EIF3B: variants seen among roughly 807,000 people sequenced by gnomAD.
EIF3B encodes eukaryotic translation initiation factor 3 subunit 9.
In EIF3B, 10 loss-of-function variants were observed where a neutral mutation model predicts 104.6. That is an observed-to-expected ratio of 0.10 (90% confidence interval 0.06 to 0.16). The LOEUF (loss-of-function observed/expected upper bound fraction) is 0.16, where lower values mean the gene tolerates loss of function less well. Ranked by LOEUF, EIF3B falls within the 10% of genes least tolerant of loss-of-function variation. The probability of loss-of-function intolerance (pLI) is 1.00; values close to 1 mark genes in which losing one functional copy is unlikely to be tolerated. For synonymous variants in EIF3B, 542 were observed against 417.2 expected (o/e 1.30, Z -3.65); for missense variants, 1,014 against 1,087.9 (o/e 0.93, Z 0.96).
intron 1 of EIF3B, among the ~76,000 whole-genome samples, chr7:2,358,561 CTG>C: frequency 6.6e-6 from 1 of 152,252 alleles, no homozygotes; most frequent in South Asian, 2.1e-4. Flanking sequence ...GAGTCTCACT[CTG>C]TCTCCCAGGC....
chr7:2,377,008 A>G lies in EIF3B; in HGVS notation c.2087A>G (p.Lys696Arg). ...GGACGCCTCCTGCAGAAGAACAACA[A>G]GGACCGCTTCTGCCAGCTGCTGTGG... Reference protein sequence around the residue: ...FQGRLLQKNNKDRFCQLLWRP... With the variant: ...FQGRLLQKNNRDRFCQLLWRP... Residue 696 changes from lysine to arginine, a missense_variant, in exon 15 of 19, where the codon AAG becomes AGG. Physicochemically the swap from Lys to Arg is conservative, Grantham distance 26 (BLOSUM62 2). Transcript: ENST00000360876. 1 of 1,613,930 alleles carries G rather than the reference A, an allele frequency of 6.2e-7. No individual in the cohort carries two copies. Among genetic ancestry groups the G allele is most frequent in the Non-Finnish European group, 8.5e-7 (1 of 1,180,026 alleles).
rs141469161 is a variant in EIF3B, at chr7:2,370,661, C to T, written c.1614+979C>T. Reference sequence around the variant, plus strand: ...GCAGCCACCACCACTCATTTCAGAACGTTTTCATCGGCTGGGTGCGGTGGC... The same window carrying T: ...GCAGCCACCACCACTCATTTCAGAATGTTTTCATCGGCTGGGTGCGGTGGC... On this transcript the variant is annotated intron_variant, in intron 10 of 18. Coordinates refer to ENST00000360876, the MANE Select transcript of EIF3B (RefSeq NM_001037283.2). Among the ~76,000 whole-genome samples, 1,305 of 152,180 alleles carry T rather than the reference C, an allele frequency of 8.6e-3. 4 individuals carry two copies. Among genetic ancestry groups the T allele is most frequent in the Non-Finnish European group, 0.012 (819 of 68,010 alleles).
chr7:2,366,199 G>T, intron 6 of EIF3B, 118 bp from the exon 7 acceptor site: 1 of 1,118,416 alleles, frequency 8.9e-7, no homozygotes, highest in Non-Finnish European at 1.3e-6. Context: ...GCCGGGCAGT[G>T]TGGGGTTTGG....
intron 2 of EIF3B, among the ~76,000 whole-genome samples, chr7:2,361,757 T>C (rs1779741963): frequency 6.6e-6 from 1 of 151,738 alleles, no homozygotes; most frequent in Non-Finnish European, 1.5e-5. Context: ...TAATACACAA[T>C]ATTAGACTAC....
intron 10 of EIF3B, among the ~76,000 whole-genome samples, chr7:2,371,470 G>T (rs1043466993): frequency 6.6e-6 from 1 of 152,228 alleles, no homozygotes; most frequent in African/African-American, 2.4e-5. Flanking sequence ...CTGGCCTGCA[G>T]CCTGCAGTGT....
At chr7:2,378,073 T>A (rs796925592) in intron 15 of EIF3B, 33 of 19,524 alleles carry the variant, frequency 1.7e-3, no homozygotes, top group East Asian at 8.3e-3. Context: ...GCTCCTGGGA[T>A]GCTGTGTTCT....
intron 9 of EIF3B, among the ~76,000 whole-genome samples, chr7:2,367,832 T>A (rs1780115932): frequency 2.3e-5 from 1 of 42,580 alleles, no homozygotes; most frequent in East Asian, 6.4e-4. Context: ...AAAATTTTTT[T>A]TTTTTTTTTT....
At chr7:2,378,980 C>T (rs1470113524) in intron 16 of EIF3B, 154 bp from the exon 17 acceptor site, 7 of 765,240 alleles carry the variant, frequency 9.1e-6, no homozygotes, top group Middle Eastern at 3.7e-4. Context: ...TGGGGGGCAG[C>T]GTTGGGGGAA....
chr7:2,378,788 A>G, intron 16 of EIF3B, 22 bp downstream of exon 16: 1 of 1,605,722 alleles, frequency 6.2e-7, no homozygotes, highest in South Asian at 1.1e-5. Context: ...TCCCAAAATG[A>G]GGGCTGTGCT....
At position 2,354,968 on chromosome 7, in the gene EIF3B, GCGCCGAGCCCGGCCAGCAGCAGCCGGC is replaced by G; in HGVS notation, c.57_83del (p.Gly20_Pro28del). 1.3e-5 allele frequency: 15 copies of G among 1,196,004 alleles called. No homozygotes were observed. Among genetic ancestry groups the G allele is most frequent in the Middle Eastern group, 6.9e-4 (2 of 2,906 alleles). 74.1% of individuals were successfully genotyped at this position (1,196,004 alleles called of 1,614,324 possible). Reference sequence around the variant, plus strand: ...GCGGTGCCCGAGGCGGCCGAGGAGCGCGCCGAGCCCGGCCAGCAGCAGCCGGCCGCCGAGCCGCCGCCAGCCGAGGGG... The same window carrying G: ...GCGGTGCCCGAGGCGGCCGAGGAGCGCGCCGAGCCGCCGCCAGCCGAGGGG... On this transcript the variant is annotated inframe_deletion, in exon 1 of 19. Coordinates refer to ENST00000360876, the MANE Select transcript of EIF3B (RefSeq NM_001037283.2).
chr7:2,363,532 A>G (rs928613802), intron 4 of EIF3B, 100 bp from the exon 5 acceptor site: 3 of 1,083,934 alleles, frequency 2.8e-6, no homozygotes, highest in African/African-American at 3.2e-5. Context: ...TTGGGAGTTA[A>G]GATGTGGACT....
chr7:2,374,685 C>A, intron 13 of EIF3B, 79 bp downstream of exon 13: 1 of 1,333,110 alleles, frequency 7.5e-7, no homozygotes, highest in Non-Finnish European at 1.1e-6. Flanking sequence ...CGCCTGCACC[C>A]GGCTTCTTGG....
At chr7:2,361,003 G>A in intron 2 of EIF3B, 101 bp downstream of exon 2, 1 of 948,844 alleles carries the variant, frequency 1.1e-6, no homozygotes, top group East Asian at 2.7e-5. Flanking sequence ...GCCTTGCCCA[G>A]GCACGTGGGC....
intron 2 of EIF3B, among the ~76,000 whole-genome samples, chr7:2,361,976 T>C (rs1194464231): frequency 6.6e-6 from 1 of 151,850 alleles, no homozygotes; most frequent in South Asian, 2.1e-4. Context: ...TATTTATTTA[T>C]TGAGACAGAG....
At chr7:2,354,573 G>A (rs945312445), upstream of EIF3B, among the ~76,000 whole-genome samples, 3 of 152,142 alleles carry the variant, frequency 2.0e-5, no homozygotes, top group Non-Finnish European at 4.4e-5. Context: ...GGAAAGGAAA[G>A]GGGGAGGACG....
intron 10 of EIF3B, among the ~76,000 whole-genome samples, chr7:2,370,767 C>T (rs1780289127): frequency 6.6e-6 from 1 of 151,746 alleles, no homozygotes; most frequent in African/African-American, 2.4e-5. Context: ...CCCATCTCCA[C>T]AGATAATTTT....
intron 8 of EIF3B, 120 bp from the exon 9 acceptor site, chr7:2,366,879 G>A: frequency 9.3e-7 from 1 of 1,080,656 alleles, no homozygotes; most frequent in Non-Finnish European, 1.4e-6. Flanking sequence ...CACGCTCTGT[G>A]TGCACTGCCC....
intron 2 of EIF3B, 119 bp downstream of exon 2, chr7:2,361,021 T>G: frequency 1.4e-6 from 1 of 716,512 alleles, no homozygotes; most frequent in East Asian, 2.8e-5. Flanking sequence ...GGCCGTTCAC[T>G]TCTTCAGGCC....
In EIF3B at chr7:2,369,491, G is replaced by C. The variant is rs1780205811; in HGVS notation, c.1423G>C (p.Gly475Arg). The C allele has an allele frequency of 6.2e-7, 1 of 1,614,028 alleles. No individual in the cohort carries two copies. Among genetic ancestry groups the C allele is most frequent in the African/African-American group, 1.3e-5 (1 of 74,916 alleles). ...CTGCAGAGACTTTTCTTGGTCTCCTGGTGGTAACATAATCGCCTTCTGGGT... is the reference window on the plus strand; with the variant it reads ...CTGCAGAGACTTTTCTTGGTCTCCTCGTGGTAACATAATCGCCTTCTGGGT... ...SGIKDFSWSP[G>R]GNIIAFWVPE... Residue 475 changes from glycine to arginine, a missense_variant, in exon 10 of 19, where the codon GGT (glycine) becomes CGT (arginine). Around this residue, in one of 4 missense-constraint regions of EIF3B, gnomAD observed 201 missense variants for 240.7 expected, o/e 0.83. Coordinates refer to ENST00000360876, the MANE Select transcript of EIF3B (RefSeq NM_001037283.2).
Sources: gnomAD v4.1 joint callset for allele counts (sites outside exome capture counted in the v4.1 genomes callset) on GRCh38, gnomAD v4.1.1 for gene constraint, gnomAD v4.1.1 regional missense constraint, MANE v1.5 for transcripts, NCBI Gene and HGNC (gene_info 2026-07-23, HGNC 2026-07-21) for gene names.